GPHN: variants seen among roughly 807,000 people sequenced by gnomAD.
GPHN encodes the protein gephyrin.
Under a neutral mutation model 95.5 loss-of-function variants are expected in GPHN, and 17 were observed. That is an observed-to-expected ratio of 0.18 (90% CI 0.12 to 0.27). The LOEUF is 0.27. GPHN is among the 10% of genes least tolerant of loss of function. The probability of loss-of-function intolerance (pLI) is 1.00; values close to 1 mark genes in which losing one functional copy is unlikely to be tolerated. For synonymous variants in GPHN, 320 were observed against 322.5 expected (o/e 0.99, Z 0.08); for missense variants, 660 against 978.1 (o/e 0.67, Z 4.34).
At chr14:66,563,131 T>C (rs552326274) in intron 1 of GPHN, among the ~76,000 whole-genome samples, 3 of 150,162 alleles carry the variant, frequency 2.0e-5, no homozygotes, top group Admixed American at 2.0e-4. Flanking sequence ...TATGAAGAAC[T>C]TATGAAATAA....
chr14:67,586,079 C>A, the GPHN span: 7 of 1,613,956 alleles, frequency 4.3e-6, no homozygotes, highest in Non-Finnish European at 5.9e-6. Context: ...AGTTGATCTT[C>A]CGGATGGCTG....
chr14:67,703,012 G>A, the GPHN span, among the ~76,000 whole-genome samples: 9 of 151,898 alleles, frequency 5.9e-5, no homozygotes, highest in African/African-American at 9.7e-5. Flanking sequence ...TAGAGTCAGA[G>A]TCTCACTATG....
At chr14:67,629,005 TGTG>T in the GPHN span, among the ~76,000 whole-genome samples, 477 of 152,240 alleles carry the variant, frequency 3.1e-3, 3 homozygotes, top group African/African-American at 0.01. Flanking sequence ...ACAACCAAAA[TGTG>T]GTACATACAT....
At chr14:66,929,707 TTTTTTTTC>T (rs980825533) in intron 8 of GPHN, among the ~76,000 whole-genome samples, 1 of 151,872 alleles carries the variant, frequency 6.6e-6, no homozygotes, top group African/African-American at 2.4e-5. Flanking sequence ...TGTGTGCTTT[TTTTTTTTC>T]TTTTTTTCTT....
chr14:66,783,792 CTT>C (rs1281960110), intron 3 of GPHN, among the ~76,000 whole-genome samples: 1 of 152,190 alleles, frequency 6.6e-6, no homozygotes, highest in Non-Finnish European at 1.5e-5. Context: ...ACCTTACAGT[CTT>C]AAATTAAGCA....
intron 17 of GPHN, among the ~76,000 whole-genome samples, chr14:67,126,139 T>C (rs937403907): frequency 2.0e-5 from 3 of 152,194 alleles, no homozygotes; most frequent in South Asian, 2.1e-4. Context: ...ATTATATATA[T>C]ATTAAAATAC....
At chr14:66,573,270 T>A (rs1276732745) in intron 1 of GPHN, among the ~76,000 whole-genome samples, 2 of 152,176 alleles carry the variant, frequency 1.3e-5, no homozygotes, top group African/African-American at 4.8e-5. Context: ...CACTGGATGT[T>A]CTCTTTATTG....
At chr14:67,203,109 G>A in the GPHN span, 1 of 1,612,908 alleles carries the variant, frequency 6.2e-7, no homozygotes, top group Non-Finnish European at 8.5e-7. Context: ...CAGAAGAGGT[G>A]AATCCATTTA....
intron 10 of GPHN, among the ~76,000 whole-genome samples, chr14:67,049,657 C>T (rs534434845): frequency 6.6e-6 from 1 of 152,112 alleles, no homozygotes; most frequent in Non-Finnish European, 1.5e-5. Flanking sequence ...GGACTACAGG[C>T]ATGCGCCACC....
chr14:66,862,380 A>G (rs1170290372), intron 4 of GPHN, among the ~76,000 whole-genome samples: 1 of 151,966 alleles, frequency 6.6e-6, no homozygotes, highest in Non-Finnish European at 1.5e-5. Context: ...CTGAGATCCA[A>G]TTCCCTGCTG....
At chr14:66,569,595 G>A (rs543226909) in intron 1 of GPHN, among the ~76,000 whole-genome samples, 5 of 152,052 alleles carry the variant, frequency 3.3e-5, no homozygotes, top group East Asian at 1.9e-4. Context: ...CCTGGGAGGC[G>A]GAGGTTGCAG....
At chr14:67,363,622 T>G in the GPHN span, among the ~76,000 whole-genome samples, 1 of 152,132 alleles carries the variant, frequency 6.6e-6, no homozygotes, top group African/African-American at 2.4e-5. Flanking sequence ...TAACCTGTGC[T>G]TCAGTTTTTT....
the GPHN span, among the ~76,000 whole-genome samples, chr14:67,485,050 G>A: frequency 6.6e-6 from 1 of 152,184 alleles, no homozygotes; most frequent in East Asian, 1.9e-4. Context: ...ATGATATAAC[G>A]AGAATTACCT....
intron 1 of GPHN, among the ~76,000 whole-genome samples, chr14:66,663,164 C>T (rs747287711): frequency 6.6e-6 from 1 of 152,122 alleles, no homozygotes; most frequent in Non-Finnish European, 1.5e-5. Context: ...ATCCCCAAGA[C>T]ACATAATCAT....
chr14:66,548,071 C>T (rs1039129518), intron 1 of GPHN, among the ~76,000 whole-genome samples: 12 of 150,780 alleles, frequency 8.0e-5, no homozygotes, highest in Middle Eastern at 6.8e-3. Context: ...GTACTCACTT[C>T]GTGTTTCTGT....
chr14:66,773,787 G>A (rs1280346536), intron 2 of GPHN, among the ~76,000 whole-genome samples: 2 of 152,018 alleles, frequency 1.3e-5, no homozygotes, highest in East Asian at 1.9e-4. Context: ...GCATAGGCTG[G>A]TCTCAAACTC....
At chr14:66,632,489 C>CTTTTTTTTTTTTTTTTTTTT in intron 1 of GPHN, among the ~76,000 whole-genome samples, 1 of 122,018 alleles carries the variant, frequency 8.2e-6, no homozygotes, top group Non-Finnish European at 1.9e-5. Context: ...ACAATACATT[C>CTTTTTTTTTTTTTTTTTTTT]TTTTTTTTTT....
the GPHN span, among the ~76,000 whole-genome samples, chr14:67,411,646 C>T: frequency 6.6e-6 from 1 of 152,204 alleles, no homozygotes; most frequent in South Asian, 2.1e-4. Flanking sequence ...AGTAGCATTC[C>T]TCCTTCACAG....
chr14:67,690,222 C>G, the GPHN span: 1 of 1,613,190 alleles, frequency 6.2e-7, no homozygotes, highest in Non-Finnish European at 8.5e-7. Context: ...CTTTTAGTCT[C>G]CGGGCCAGTT....
Sources: allele counts gnomAD v4.1 joint callset (sites outside exome capture counted in the v4.1 genomes callset), GRCh38; gene constraint gnomAD v4.1.1; transcripts MANE v1.5; gene names NCBI Gene and HGNC (gene_info 2026-07-23, HGNC 2026-07-21).